The following FCRL1 variants were observed in gnomAD, a reference collection of about 807,000 sequenced individuals.
FCRL1 encodes the protein Fc receptor like 1.
Under a neutral mutation model 49.2 loss-of-function variants are expected in FCRL1, and 34 were observed. The observed-to-expected ratio is 0.69, with a 90% CI of 0.53 to 0.92. The LOEUF (loss-of-function observed/expected upper bound fraction) is 0.92, where lower values mean the gene tolerates loss of function less well. FCRL1 is among the 40% of genes least tolerant of loss of function. FCRL1 has a pLI of 0.00. For synonymous variants in FCRL1, 218 were observed against 201.6 expected (o/e 1.08, Z -0.69); for missense variants, 524 against 524.1 (o/e 1.00, Z 0.00).
At chr1:157,805,064 T>C (rs1653203058) in intron 2 of FCRL1, among the ~76,000 whole-genome samples, 2 of 152,170 alleles carry the variant, frequency 1.3e-5, no homozygotes, top group South Asian at 2.1e-4. Flanking sequence ...TTTTATGATG[T>C]TGCTCAGGCT....
intron 9 of FCRL1, 170 bp downstream of exon 9, chr1:157,797,698 G>C: frequency 6.7e-7 from 1 of 1,498,824 alleles, no homozygotes; most frequent in Non-Finnish European, 9.1e-7. Flanking sequence ...TTAGCTCTGG[G>C]CTCTACTCAA....
rs1248999880 is a variant in FCRL1, at chr1:157,795,739, C to T, written c.*360G>A. The T allele has an allele frequency of 5.2e-6, 1 of 192,168 alleles. No individual in the cohort carries two copies. Among genetic ancestry groups the T allele is most frequent in the South Asian group, 1.3e-4 (1 of 7,912 alleles). The allele number at this position is 192,168 out of a possible 1,614,324, so 11.9% of individuals were successfully genotyped here. A position where few individuals can be genotyped will look rare whatever the true frequency, so the allele number is the denominator to read the frequency against. ...CTGTGAAGTCCTGCAGAGTCACTAA[C>T]CTTGAGTTCATGTGCTCTAAGCTTC... On this transcript the variant is annotated 3_prime_UTR_variant, in exon 11 of 11. Coordinates refer to ENST00000368176, the MANE Select transcript of FCRL1 (RefSeq NM_052938.5).
chr1:157,796,963 C>T, intron 10 of FCRL1, 138 bp downstream of exon 10: 2 of 732,242 alleles, frequency 2.7e-6, no homozygotes, highest in Non-Finnish European at 2.3e-6. Context: ...GTGTTTTTAC[C>T]TCCATTGCTT....
chr1:157,802,361 G>T lies in FCRL1; in HGVS notation c.607+16C>A. ...GTTTGTGACTGGCTGGCTGAACGAA[G>T]GGTAGTGGAACTTACTTCTGACAGT... is the stretch of plus-strand genomic sequence containing the variant. On this transcript the variant is annotated intron_variant, in intron 4 of 10. Coordinates refer to ENST00000368176, the MANE Select transcript of FCRL1 (RefSeq NM_052938.5). 1 of 1,611,286 alleles carries T rather than the reference G, an allele frequency of 6.2e-7. No homozygotes were observed. The highest frequency in any genetic ancestry group is 1.1e-5 in the South Asian group (1 of 90,860).
chr1:157,820,001 A>C lies in FCRL1; in HGVS notation c.31+6T>G. ...CCCATGCCCTGCTCTGAGTTGCCCAACTCACCACAGATCAACAGCAACAGC... is the reference window on the plus strand; with the variant it reads ...CCCATGCCCTGCTCTGAGTTGCCCACCTCACCACAGATCAACAGCAACAGC... On this transcript the variant is annotated splice_donor_region_variant and intron_variant, in intron 1 of 10. Coordinates refer to ENST00000368176, the MANE Select transcript of FCRL1 (RefSeq NM_052938.5). 1.2e-6 allele frequency: 2 copies of C among 1,614,030 alleles called. No individual in the cohort carries two copies. The highest frequency in any genetic ancestry group is 1.7e-6 in the Non-Finnish European group (2 of 1,179,988).
At chr1:157,797,600 G>A (rs1571332478) in intron 9 of FCRL1, 1 of 714,926 alleles carries the variant, frequency 1.4e-6, no homozygotes, top group South Asian at 1.8e-5. Flanking sequence ...TCAGGAAGAG[G>A]TAAGCCATGG....
chr1:157,803,188 A>C (rs1230454425), intron 3 of FCRL1, among the ~76,000 whole-genome samples: 2 of 152,156 alleles, frequency 1.3e-5, no homozygotes, highest in Non-Finnish European at 2.9e-5. Flanking sequence ...TTGCTCAGTG[A>C]TTATTGTGGT....
intron 1 of FCRL1, among the ~76,000 whole-genome samples, chr1:157,810,945 T>C (rs890675584): frequency 6.6e-6 from 1 of 151,984 alleles, no homozygotes; most frequent in Admixed American, 6.5e-5. Context: ...AGGATAATTA[T>C]TTATTTTTTA....
intron 3 of FCRL1, 142 bp downstream of exon 3, chr1:157,803,703 G>A: frequency 9.1e-7 from 1 of 1,095,334 alleles, no homozygotes. Context: ...ATCCCTTAAG[G>A]ATCCTAATAA....
intron 1 of FCRL1, among the ~76,000 whole-genome samples, chr1:157,814,951 T>C (rs1654827600): frequency 6.6e-6 from 1 of 151,870 alleles, no homozygotes; most frequent in African/African-American, 2.4e-5. Context: ...CACCCAAATA[T>C]ATAAAGCAAA....
Position 157,802,135 on chromosome 1 carries a change from C to T in FCRL1, c.666G>A (p.Glu222=). ...LRAPRAQAAV[E]DVLELHCEAL... ...CCTCACAGTGAAGCTCCAGCACATC[C>T]TCCACTGCAGCCTGGGCCCTGGGAG... is the stretch of plus-strand genomic sequence containing the variant. The change falls in exon 5 of 11, where the codon GAG becomes GAA. Residue 222 remains glutamate, a synonymous_variant. Coordinates refer to ENST00000368176, the MANE Select transcript of FCRL1 (RefSeq NM_052938.5). 1 of 1,614,188 alleles carries T rather than the reference C, an allele frequency of 6.2e-7. No homozygotes were observed. The highest frequency in any genetic ancestry group is 8.5e-7 in the Non-Finnish European group (1 of 1,180,018).
chr1:157,811,307 G>A (rs1654288870), intron 1 of FCRL1, among the ~76,000 whole-genome samples: 1 of 152,158 alleles, frequency 6.6e-6, no homozygotes, highest in African/African-American at 2.4e-5. Flanking sequence ...CAGGGGAATG[G>A]CAGAAATCTT....
chr1:157,811,141 T>C (rs1654265881), intron 1 of FCRL1, among the ~76,000 whole-genome samples: 1 of 152,146 alleles, frequency 6.6e-6, no homozygotes, highest in African/African-American at 2.4e-5. Flanking sequence ...CATATTTCTA[T>C]TATTTTAAGA....
At chr1:157,805,862 C>G (rs183547978) in intron 2 of FCRL1, among the ~76,000 whole-genome samples, 2 of 152,184 alleles carry the variant, frequency 1.3e-5, no homozygotes, top group African/African-American at 4.8e-5. Flanking sequence ...CACCACTGCA[C>G]TCCAGCCTGG....
At position 157,801,826 on chromosome 1, in the gene FCRL1, C is replaced by T. The variant is rs368085998; in HGVS notation, c.886+89G>A. 2.7e-6 allele frequency: 4 copies of T among 1,483,592 alleles called. No individual in the cohort carries two copies. The African/African-American group carries it at 5.6e-5, about 21-fold the overall frequency. 91.9% of individuals were successfully genotyped at this position (1,483,592 alleles called of 1,614,324 possible). A position where few individuals can be genotyped will look rare whatever the true frequency, so the allele number is the denominator to read the frequency against. ...CAGAGGCCCCACCATGGGTAGCAAA[C>T]CCCCGGAAGCACAGTGGCACCAGCA... On this transcript the variant is annotated intron_variant, in intron 5 of 10. Coordinates refer to ENST00000368176, the MANE Select transcript of FCRL1 (RefSeq NM_052938.5).
At chr1:157,805,792 A>C (rs1186695526) in intron 2 of FCRL1, among the ~76,000 whole-genome samples, 2 of 152,206 alleles carry the variant, frequency 1.3e-5, no homozygotes, top group Non-Finnish European at 2.9e-5. Context: ...GCTACTCCAG[A>C]GGCTGAGGCA....
chr1:157,801,461 C>G lies in FCRL1; in HGVS notation c.1003G>C (p.Gly335Arg). ...AATGCCACTCTCTTTAAATACTAACCTATTTTTCTTTTGAGGCCGTAGCAA... is the reference window on the plus strand; with the variant it reads ...AATGCCACTCTCTTTAAATACTAACGTATTTTTCTTTTGAGGCCGTAGCAA... ...LFCYGLKRKIGRRSARDPLRS... is the reference protein window; with the variant it reads ...LFCYGLKRKIRRRSARDPLRS... The change falls in exon 6 of 11, where the codon GGA becomes CGA. Residue 335 changes from glycine to arginine, a missense_variant and splice_region_variant. By Grantham distance (125) the Gly-to-Arg change is moderately radical (BLOSUM62 -2). Coordinates refer to ENST00000368176, the MANE Select transcript of FCRL1 (RefSeq NM_052938.5). 6.3e-7 allele frequency: 1 copy of G among 1,588,704 alleles called. No individual in the cohort carries two copies. The highest frequency in any genetic ancestry group is 8.6e-7 in the Non-Finnish European group (1 of 1,157,630).
At chr1:157,813,764 C>G (rs770744110) in intron 1 of FCRL1, among the ~76,000 whole-genome samples, 1 of 152,080 alleles carries the variant, frequency 6.6e-6, no homozygotes, top group Non-Finnish European at 1.5e-5. Flanking sequence ...ATAGATTTAA[C>G]CTGAAGAGGT....
At chr1:157,805,577 T>C (rs1653303991) in intron 2 of FCRL1, among the ~76,000 whole-genome samples, 1 of 152,108 alleles carries the variant, frequency 6.6e-6, no homozygotes, top group Non-Finnish European at 1.5e-5. Flanking sequence ...AGCACAGCTC[T>C]TGGAGCTAGG....
Sources: gnomAD v4.1 joint callset for allele counts (sites outside exome capture counted in the v4.1 genomes callset) on GRCh38, gnomAD v4.1.1 for gene constraint, MANE v1.5 for transcripts, NCBI Gene and HGNC (gene_info 2026-07-23, HGNC 2026-07-21) for gene names.